STXBP6: variants seen among roughly 807,000 people sequenced by gnomAD.
STXBP6 encodes syntaxin binding protein 6.
A neutral mutation model predicts 26.9 loss-of-function variants in STXBP6; 21 were observed. That is an observed-to-expected ratio of 0.78 (90% CI 0.55 to 1.12). STXBP6 has a LOEUF of 1.12. Ranked by LOEUF, STXBP6 falls within the 50% of genes most tolerant of loss-of-function variation. The pLI is 0.00. For missense variants in STXBP6, 232 were observed against 257.9 expected (o/e 0.90, Z 0.69); for synonymous variants, 97 against 92.6 (o/e 1.05, Z -0.27).
intron 5 of STXBP6, 110 bp downstream of exon 5, chr14:24,818,927 A>G: frequency 7.2e-7 from 1 of 1,397,210 alleles, no homozygotes; most frequent in African/African-American, 1.4e-5. Flanking sequence ...TAAAGGGGAA[A>G]TAGCTTAATT....
chr14:24,904,854 G>A (rs1244418178), intron 2 of STXBP6, among the ~76,000 whole-genome samples: 1 of 152,180 alleles, frequency 6.6e-6, no homozygotes, highest in African/African-American at 2.4e-5. Context: ...GGCAGCCGTA[G>A]CAGATGAATA....
chr14:24,990,659 CAA>C (rs1211659589), intron 1 of STXBP6, among the ~76,000 whole-genome samples: 5 of 57,326 alleles, frequency 8.7e-5, no homozygotes, highest in Admixed American at 4.3e-4. Flanking sequence ...AACTCCATCT[CAA>C]AAAAAAAAAA....
At chr14:25,041,518 C>T (rs1177867113) in intron 1 of STXBP6, among the ~76,000 whole-genome samples, 1 of 152,122 alleles carries the variant, frequency 6.6e-6, no homozygotes, top group African/African-American at 2.4e-5. Context: ...AACTTCTTAA[C>T]CACCAGTTAC....
intron 2 of STXBP6, among the ~76,000 whole-genome samples, chr14:24,952,654 A>G (rs2073208569): frequency 6.6e-6 from 1 of 152,194 alleles, no homozygotes; most frequent in African/African-American, 2.4e-5. Context: ...TCCGTGTTGA[A>G]AGAATTTAAA....
At chr14:25,022,575 A>G (rs2075279953) in intron 1 of STXBP6, among the ~76,000 whole-genome samples, 2 of 152,238 alleles carry the variant, frequency 1.3e-5, no homozygotes, top group African/African-American at 4.8e-5. Context: ...TGCTGCTACC[A>G]AAAAAGAAAA....
At chr14:24,859,327 C>G (rs986322450) in intron 2 of STXBP6, among the ~76,000 whole-genome samples, 1 of 152,190 alleles carries the variant, frequency 6.6e-6, no homozygotes, top group Middle Eastern at 3.4e-3. Context: ...GGGCACTGAG[C>G]CTGGTTGGTT....
At chr14:24,892,486 A>G (rs1487716875) in intron 2 of STXBP6, among the ~76,000 whole-genome samples, 1 of 152,192 alleles carries the variant, frequency 6.6e-6, no homozygotes. Context: ...GAGGAGGAAG[A>G]AATCATGGAG....
intron 4 of STXBP6, among the ~76,000 whole-genome samples, chr14:24,825,346 A>G (rs546764206): frequency 2.0e-5 from 3 of 152,346 alleles, no homozygotes; most frequent in Non-Finnish European, 4.4e-5. Context: ...CTTGCTTTAT[A>G]GAGGCTACGG....
rs144199326 is a variant in STXBP6, at chr14:24,926,688, T to C, written c.154+47977A>G. 1.4e-3 allele frequency among the ~76,000 whole-genome samples: 216 copies of C among 152,272 alleles called. 2 individuals carry two copies. The highest frequency in any genetic ancestry group is 5.1e-3 in the African/African-American group (210 of 41,562). On this transcript the variant is annotated intron_variant, in intron 2 of 5. Coordinates refer to ENST00000323944, the MANE Select transcript of STXBP6 (RefSeq NM_001394410.1). ...CTAGTCATTTGTAGATTGGCGAGTGTAGCATTACGGTTAAGAGCAGCCTCT... is the reference window on the plus strand; with the variant it reads ...CTAGTCATTTGTAGATTGGCGAGTGCAGCATTACGGTTAAGAGCAGCCTCT...
intron 1 of STXBP6, among the ~76,000 whole-genome samples, chr14:24,989,613 T>C (rs1294616508): frequency 1.3e-5 from 2 of 152,114 alleles, no homozygotes; most frequent in East Asian, 1.9e-4. Flanking sequence ...TGTGTGTTTG[T>C]GGGGAGGGGG....
At chr14:24,905,267 C>T (rs1285125665) in intron 2 of STXBP6, among the ~76,000 whole-genome samples, 4 of 152,154 alleles carry the variant, frequency 2.6e-5, no homozygotes, top group Non-Finnish European at 5.9e-5. Context: ...TCAGGATGGC[C>T]TTTACACAAG....
At chr14:24,854,153 C>T (rs1291695086) in intron 4 of STXBP6, among the ~76,000 whole-genome samples, 1 of 151,984 alleles carries the variant, frequency 6.6e-6, no homozygotes, top group African/African-American at 2.4e-5. Flanking sequence ...TTAGGGGAAA[C>T]AGAGCAGGGG....
chr14:24,923,205 A>G (rs1406462650), intron 2 of STXBP6, among the ~76,000 whole-genome samples: 1 of 152,118 alleles, frequency 6.6e-6, no homozygotes, highest in South Asian at 2.1e-4. Flanking sequence ...CCTACACAAC[A>G]TAACAATTTT....
At chr14:24,959,646 T>C (rs1445817893) in intron 2 of STXBP6, among the ~76,000 whole-genome samples, 1 of 152,196 alleles carries the variant, frequency 6.6e-6, no homozygotes, top group Non-Finnish European at 1.5e-5. Context: ...CCAAAAAGGG[T>C]TGGCATAGCA....
intron 2 of STXBP6, among the ~76,000 whole-genome samples, chr14:24,958,056 T>C (rs2073400527): frequency 6.6e-6 from 1 of 152,194 alleles, no homozygotes; most frequent in Admixed American, 6.6e-5. Flanking sequence ...AACTCTATCT[T>C]TTTAAAACTC....
intron 2 of STXBP6, among the ~76,000 whole-genome samples, chr14:24,965,018 T>G (rs535672658): frequency 1.3e-4 from 20 of 152,318 alleles, no homozygotes; most frequent in African/African-American, 3.8e-4. Context: ...TTCATGACAT[T>G]AGAGTGGAAA....
chr14:25,014,547 C>G (rs936079490), intron 1 of STXBP6, among the ~76,000 whole-genome samples: 1 of 152,244 alleles, frequency 6.6e-6, no homozygotes, highest in African/African-American at 2.4e-5. Flanking sequence ...TCCACCTATA[C>G]TGTGAGATGC....
intron 2 of STXBP6, among the ~76,000 whole-genome samples, chr14:24,935,300 T>C (rs2139939615): frequency 6.6e-6 from 1 of 152,110 alleles, no homozygotes; most frequent in South Asian, 2.1e-4. Context: ...CTCCAAATTA[T>C]AGAAAGAAAC....
chr14:24,859,693 T>C (rs2069463045), intron 2 of STXBP6, among the ~76,000 whole-genome samples: 1 of 152,138 alleles, frequency 6.6e-6, no homozygotes, highest in Non-Finnish European at 1.5e-5. Flanking sequence ...TCTGGATCAG[T>C]AATATCATAG....
Sources: allele counts gnomAD v4.1 joint callset (sites outside exome capture counted in the v4.1 genomes callset), GRCh38; gene constraint gnomAD v4.1.1; transcripts MANE v1.5; gene names NCBI Gene and HGNC (gene_info 2026-07-23, HGNC 2026-07-21).